Variants in KIAA1217 observed in about 807,000 individuals in gnomAD.
KIAA1217 encodes the protein KIAA1217.
Under a neutral mutation model 163.9 loss-of-function variants are expected in KIAA1217, and 88 were observed. That is an observed-to-expected ratio of 0.54 (90% CI 0.45 to 0.64). The LOEUF is 0.64. KIAA1217 is among the 30% of genes least tolerant of loss of function. The pLI, the probability that KIAA1217 is intolerant of heterozygous loss-of-function variation, is 0.00. For synonymous variants in KIAA1217, 903 were observed against 923.1 expected, an observed-to-expected ratio of 0.98 and a Z score of 0.39; for missense variants, 2,372 against 2,475.0, an observed-to-expected ratio of 0.96 and a Z score of 0.88.
chr10:24,447,080 C>T (rs2132183647), intron 5 of KIAA1217, among the ~76,000 whole-genome samples: 1 of 152,238 alleles, frequency 6.6e-6, no homozygotes, highest in African/African-American at 2.4e-5. Flanking sequence ...CCTCACCACT[C>T]ACTGTCCCTT....
intron 2 of KIAA1217, among the ~76,000 whole-genome samples, chr10:24,044,071 A>G (rs1259243187): frequency 2.6e-5 from 4 of 152,174 alleles, no homozygotes; most frequent in South Asian, 4.1e-4. Flanking sequence ...GTATTCTATG[A>G]CAAGACATTT....
intron 2 of KIAA1217, among the ~76,000 whole-genome samples, chr10:24,067,383 T>G (rs899242504): frequency 3.3e-5 from 5 of 152,212 alleles, no homozygotes; most frequent in African/African-American, 1.2e-4. Context: ...CAGCTGCAGG[T>G]CTGTTGGAGT....
chr10:24,296,269 A>G (rs776672955), intron 2 of KIAA1217, among the ~76,000 whole-genome samples: 47 of 152,222 alleles, frequency 3.1e-4, no homozygotes, highest in Non-Finnish European at 6.3e-4. Context: ...AAACCCAGTT[A>G]ATTTTTAAGT....
At chr10:24,075,501 A>C (rs1000549483) in intron 2 of KIAA1217, among the ~76,000 whole-genome samples, 6 of 152,148 alleles carry the variant, frequency 3.9e-5, no homozygotes, top group African/African-American at 1.4e-4. Context: ...TTACTGAGCA[A>C]TTTAGGTCCT....
chr10:24,288,094 T>A (rs1408100258), intron 2 of KIAA1217, among the ~76,000 whole-genome samples: 4 of 152,190 alleles, frequency 2.6e-5, no homozygotes, highest in Non-Finnish European at 4.4e-5. Flanking sequence ...CAGGATTTTT[T>A]AAAATGACAT....
chr10:23,868,743 C>A (rs1162795783), intron 1 of KIAA1217, among the ~76,000 whole-genome samples: 2 of 152,134 alleles, frequency 1.3e-5, no homozygotes, highest in Non-Finnish European at 2.9e-5. Flanking sequence ...GCTCTCAGGC[C>A]TGCTGCGTTG....
At chr10:24,000,081 A>T (rs1224033271) in intron 1 of KIAA1217, among the ~76,000 whole-genome samples, 3 of 152,130 alleles carry the variant, frequency 2.0e-5, no homozygotes, top group African/African-American at 7.2e-5. Flanking sequence ...CAAGCAAATG[A>T]TTACAGTAAA....
intron 1 of KIAA1217, among the ~76,000 whole-genome samples, chr10:23,935,557 A>T (rs74123169): frequency 0.015 from 2,334 of 152,310 alleles, 69 homozygotes; most frequent in African/African-American, 0.052. Flanking sequence ...ACAAACTGGG[A>T]GTCAGGTTAA....
At chr10:24,359,321 G>A (rs538477728) in intron 2 of KIAA1217, among the ~76,000 whole-genome samples, 37 of 151,938 alleles carry the variant, frequency 2.4e-4, no homozygotes, top group African/African-American at 7.7e-4. Context: ...TCCAACTCCT[G>A]GCCTCAAGTG....
intron 2 of KIAA1217, among the ~76,000 whole-genome samples, chr10:24,230,276 G>C (rs983930893): frequency 6.6e-6 from 1 of 151,966 alleles, no homozygotes; most frequent in African/African-American, 2.4e-5. Flanking sequence ...TTTTTTGGGG[G>C]GTGGATTTTG....
At chr10:24,261,291 C>T (rs1035454606) in intron 2 of KIAA1217, among the ~76,000 whole-genome samples, 2 of 151,768 alleles carry the variant, frequency 1.3e-5, no homozygotes. Context: ...TGAGGTCAGG[C>T]GTTTGAGACC....
chr10:24,333,670 A>G (rs1041338986), intron 2 of KIAA1217, among the ~76,000 whole-genome samples: 1 of 152,200 alleles, frequency 6.6e-6, no homozygotes, highest in African/African-American at 2.4e-5. Flanking sequence ...CTGGCCTACA[A>G]GGTCAAGTAA....
At chr10:24,100,516 G>A (rs2062371035) in intron 2 of KIAA1217, among the ~76,000 whole-genome samples, 1 of 152,178 alleles carries the variant, frequency 6.6e-6, no homozygotes, top group African/African-American at 2.4e-5. Flanking sequence ...TCTGTCTGCT[G>A]ATCCACAAGG....
chr10:23,888,203 T>C (rs1366706587), intron 1 of KIAA1217, among the ~76,000 whole-genome samples: 3 of 151,970 alleles, frequency 2.0e-5, no homozygotes, highest in African/African-American at 7.2e-5. Context: ...GTGACTCATT[T>C]TACCAGGCTC....
chr10:23,856,677 C>T (rs1839686682), intron 1 of KIAA1217, among the ~76,000 whole-genome samples: 1 of 152,258 alleles, frequency 6.6e-6, no homozygotes, highest in Admixed American at 6.5e-5. Flanking sequence ...TTCGAGCTTC[C>T]CCACTGCTTT....
chr10:24,081,863 T>G (rs985066697), intron 2 of KIAA1217, among the ~76,000 whole-genome samples: 1 of 152,010 alleles, frequency 6.6e-6, no homozygotes, highest in African/African-American at 2.4e-5. Context: ...CTAAGGCAGG[T>G]TTTTAGAATG....
chr10:24,397,107 T>TC (rs2055875816), intron 3 of KIAA1217, among the ~76,000 whole-genome samples: 2 of 139,542 alleles, frequency 1.4e-5, no homozygotes, highest in African/African-American at 5.5e-5. Context: ...TGTAAGAAAC[T>TC]CTTTTTTTTT....
chr10:23,781,271 AT>A (rs2130902853), intron 1 of KIAA1217, among the ~76,000 whole-genome samples: 1 of 152,214 alleles, frequency 6.6e-6, no homozygotes, highest in Admixed American at 6.5e-5. Flanking sequence ...CCTTGCCAAC[AT>A]TTGTTATCTC....
At chr10:23,977,823 G>C (rs1845601391) in intron 1 of KIAA1217, among the ~76,000 whole-genome samples, 1 of 152,154 alleles carries the variant, frequency 6.6e-6, no homozygotes. Flanking sequence ...AATAGACCAG[G>C]AGGAGCAGCT....
Sources: allele counts gnomAD v4.1 joint callset (sites outside exome capture counted in the v4.1 genomes callset), GRCh38; gene constraint gnomAD v4.1.1; transcripts MANE v1.5; gene names NCBI Gene and HGNC (gene_info 2026-07-23, HGNC 2026-07-21).